The following AR variants were observed in gnomAD, a reference collection of about 807,000 sequenced individuals.
The protein encoded by AR is androgen receptor.
A neutral mutation model predicts 53.9 loss-of-function variants in AR; 8 were observed. That is an observed-to-expected ratio of 0.15 (90% CI 0.09 to 0.27). AR has a LOEUF of 0.27. Ranked by LOEUF, AR falls within the 10% of genes least tolerant of loss-of-function variation. The probability of loss-of-function intolerance (pLI) is 1.00; values close to 1 mark genes in which losing one functional copy is unlikely to be tolerated. For synonymous variants in AR, 359 were observed against 316.4 expected (o/e 1.13, Z -1.43); for missense variants, 639 against 742.5 (o/e 0.86, Z 1.62).
chrX:67,706,472 T>G (rs1214765231), intron 3 of AR, among the ~76,000 whole-genome samples: 1 of 112,028 alleles, frequency 8.9e-6, no homozygotes, highest in Non-Finnish European at 1.9e-5. Flanking sequence ...TAGTTTGTAT[T>G]TCTGTGGGAT....
chrX:67,702,935 A>T (rs2076048675), intron 3 of AR, among the ~76,000 whole-genome samples: 1 of 111,455 alleles, frequency 9.0e-6, no homozygotes, highest in Admixed American at 9.6e-5. Flanking sequence ...AATGTTAACC[A>T]GGAGTGGTAG....
At chrX:67,548,417 A>T (rs1457917502) in intron 1 of AR, among the ~76,000 whole-genome samples, 1 of 112,028 alleles carries the variant, frequency 8.9e-6, no homozygotes, top group African/African-American at 3.2e-5. Flanking sequence ...GGACAAAAAA[A>T]GTATTCTTCA....
At chrX:67,720,782 C>G (rs1336169540) in intron 5 of AR, among the ~76,000 whole-genome samples, 1 of 108,902 alleles carries the variant, frequency 9.2e-6, no homozygotes, top group Non-Finnish European at 1.9e-5. Flanking sequence ...CAAACCATAG[C>G]CTTTAGGCTC....
At chrX:67,715,550 G>C (rs745516442) in intron 4 of AR, among the ~76,000 whole-genome samples, 4 of 111,790 alleles carry the variant, frequency 3.6e-5, no homozygotes, top group Non-Finnish European at 5.6e-5. Flanking sequence ...CTGATCCTAT[G>C]GCTGACAAAA....
At chrX:67,708,133 T>C (rs2076076955) in intron 3 of AR, among the ~76,000 whole-genome samples, 1 of 111,514 alleles carries the variant, frequency 9.0e-6, no homozygotes, top group Non-Finnish European at 1.9e-5. Context: ...GAGTTGCTCT[T>C]CTCGAGGAGT....
At chrX:67,629,853 G>A (rs1387015991) in intron 1 of AR, among the ~76,000 whole-genome samples, 1 of 110,946 alleles carries the variant, frequency 9.0e-6, no homozygotes, top group Non-Finnish European at 1.9e-5. Flanking sequence ...GTTCTCTTTG[G>A]TTTCAAAGAA....
intron 2 of AR, among the ~76,000 whole-genome samples, chrX:67,652,281 G>A (rs751297286): frequency 8.9e-6 from 1 of 111,955 alleles, no homozygotes; most frequent in African/African-American, 3.3e-5. Context: ...GTATCTGTAT[G>A]TGGACCCTGA....
chrX:67,611,052 A>G (rs888999249), intron 1 of AR, among the ~76,000 whole-genome samples: 3 of 111,797 alleles, frequency 2.7e-5, no homozygotes, highest in Non-Finnish European at 3.8e-5. Context: ...TTATTTTTAG[A>G]TTAAGTAGTG....
At chrX:67,680,393 C>T (rs1462147541) in intron 2 of AR, among the ~76,000 whole-genome samples, 2 of 111,751 alleles carry the variant, frequency 1.8e-5, no homozygotes, top group African/African-American at 6.5e-5. Context: ...ATTATTTTGT[C>T]AAGATTTTGT....
intron 1 of AR, among the ~76,000 whole-genome samples, chrX:67,629,649 C>A (rs1327281480): frequency 2.6e-4 from 29 of 109,689 alleles, no homozygotes; most frequent in Admixed American, 1.6e-3. Context: ...TAGTTCTGCT[C>A]TGATTTTAGT....
At chrX:67,637,977 C>T (rs1925537641) in intron 1 of AR, among the ~76,000 whole-genome samples, 2 of 110,799 alleles carry the variant, frequency 1.8e-5, no homozygotes, top group South Asian at 3.9e-4. Context: ...CCCTCCCTTG[C>T]CCCTCACCCC....
intron 2 of AR, among the ~76,000 whole-genome samples, chrX:67,666,499 G>T (rs775681959): frequency 4.5e-5 from 5 of 111,759 alleles, no homozygotes; most frequent in East Asian, 2.8e-4. Flanking sequence ...ATTGACTATT[G>T]TGAATAGTGC....
At chrX:67,570,681 G>A (rs1921776066) in intron 1 of AR, among the ~76,000 whole-genome samples, 1 of 110,640 alleles carries the variant, frequency 9.0e-6, no homozygotes, top group Admixed American at 9.6e-5. Flanking sequence ...TTTCTGATAA[G>A]ACATCACAAA....
chrX:67,696,590 G>T (rs2076021643), intron 3 of AR, among the ~76,000 whole-genome samples: 1 of 111,824 alleles, frequency 8.9e-6, no homozygotes, highest in Admixed American at 9.5e-5. Context: ...ATATTCTTTT[G>T]CCTGGCCATT....
intron 1 of AR, among the ~76,000 whole-genome samples, chrX:67,593,646 A>G (rs1192974906): frequency 8.9e-6 from 1 of 112,123 alleles, no homozygotes; most frequent in African/African-American, 3.2e-5. Context: ...CAGTATGCCC[A>G]GCCAGTAATA....
At chrX:67,693,881 T>C (rs771087099) in intron 3 of AR, among the ~76,000 whole-genome samples, 1 of 112,129 alleles carries the variant, frequency 8.9e-6, no homozygotes, top group South Asian at 3.7e-4. Flanking sequence ...ATGGAACCAA[T>C]GCCCCTGTGG....
intron 1 of AR, among the ~76,000 whole-genome samples, chrX:67,547,765 G>A (rs759275283): frequency 8.9e-6 from 1 of 111,881 alleles, no homozygotes; most frequent in African/African-American, 3.2e-5. Context: ...GGACATGTTT[G>A]CATTTTAGAA....
Position 67,695,903 on chromosome X carries a change from C to T in AR, c.1885+9777C>T, listed in dbSNP as rs1449805418. 1.1e-5 allele frequency: 8 copies of T among 751,591 alleles called. No individual in the cohort carries two copies. The East Asian group carries it at 9.2e-4, about 87-fold the overall frequency. 61.9% of individuals were successfully genotyped at this position (751,591 alleles called of 1,213,427 possible). On this transcript the variant is annotated intron_variant, in intron 3 of 7. Coordinates refer to ENST00000374690, the MANE Select transcript of AR (RefSeq NM_000044.6). ...CTGGAGAAAAGCCAAGGAAGGACTT[C>T]AGGAGGGGAGTTTCCCCCTTCTCAG... is the stretch of plus-strand genomic sequence containing the variant.
chrX:67,602,557 T>G lies in AR; in HGVS notation c.1617-40699T>G, dbSNP rs1411932885. Among the ~76,000 whole-genome samples, 9 of 112,029 alleles carry G rather than the reference T, an allele frequency of 8.0e-5. No homozygotes were observed. In the Admixed American group the frequency reaches 8.5e-4, roughly 11 times the overall value. On this transcript the variant is annotated intron_variant, in intron 1 of 7. Transcript: ENST00000374690. The stretch of plus-strand genomic sequence containing the variant: ...TTGAACATTGAGGGGAATTTGAATT[T>G]GATGTGCCAGTACTAACTTGAAGAT...
Sources: allele counts gnomAD v4.1 joint callset (sites outside exome capture counted in the v4.1 genomes callset), GRCh38; gene constraint gnomAD v4.1.1; transcripts MANE v1.5; gene names NCBI Gene and HGNC (gene_info 2026-07-23, HGNC 2026-07-21).